SWT1: variants seen among roughly 807,000 people sequenced by gnomAD.
SWT1 encodes SWT1 RNA endoribonuclease homolog.
Under a neutral mutation model 107.3 loss-of-function variants are expected in SWT1, and 33 were observed. That is an observed-to-expected ratio of 0.31 (90% CI 0.23 to 0.41). The LOEUF is 0.41. Among genes scored for constraint, SWT1 ranks in the 10% least tolerant of loss-of-function variants. The probability of loss-of-function intolerance (pLI) is 1.00; values close to 1 mark genes in which losing one functional copy is unlikely to be tolerated. For missense variants in SWT1, 898 were observed against 1,028.9 expected (o/e 0.87, Z 1.74); for synonymous variants, 345 against 348.3 (o/e 0.99, Z 0.11).
chr1:185,166,671 C>T lies in SWT1; in HGVS notation c.165+19C>T. 1 of 1,456,168 alleles carries T rather than the reference C, an allele frequency of 6.9e-7. No individual in the cohort carries two copies. The highest frequency in any genetic ancestry group is 1.8e-4 in the Middle Eastern group (1 of 5,648). 90.2% of individuals were successfully genotyped at this position (1,456,168 alleles called of 1,614,324 possible). On this transcript the variant is annotated intron_variant, in intron 3 of 18. Coordinates refer to ENST00000367500, the MANE Select transcript of SWT1 (RefSeq NM_017673.7). ...AAAACTGGTGAGTGTCTAGATATAA[C>T]TAACTAAAAGTTATTTATGCTAAAG...
intron 5 of SWT1, among the ~76,000 whole-genome samples, 195 bp from the exon 6 acceptor site, chr1:185,180,196 T>C (rs546645792): frequency 4.0e-5 from 6 of 151,862 alleles, no homozygotes; most frequent in East Asian, 3.9e-4. Context: ...AAAAAAAAGT[T>C]TGGGAGTAGG....
intron 15 of SWT1, among the ~76,000 whole-genome samples, chr1:185,226,007 GT>G (rs758493758): frequency 1.3e-5 from 2 of 151,334 alleles, no homozygotes; most frequent in South Asian, 2.1e-4. Context: ...TAAAGCAAAG[GT>G]TTTTTTTTGT....
intron 5 of SWT1, among the ~76,000 whole-genome samples, chr1:185,179,142 G>T (rs1571427404): frequency 6.6e-6 from 1 of 152,136 alleles, no homozygotes; most frequent in South Asian, 2.1e-4. Context: ...ATGGTGGCGG[G>T]CCTGTAGTCC....
In SWT1 at chr1:185,247,067, A is replaced by G. The variant is rs77661303; in HGVS notation, c.2441+15359A>G. ...TGATTGCCTTATTATTATTACCTTC[A>G]GTCCTTAGGTTTCTTGTTGGAATCC... is the stretch of plus-strand genomic sequence containing the variant. On this transcript the variant is annotated intron_variant, in intron 16 of 18. Coordinates refer to ENST00000367500, the MANE Select transcript of SWT1 (RefSeq NM_017673.7). Among the ~76,000 whole-genome samples, 1,024 of 152,240 alleles carry G rather than the reference A, an allele frequency of 6.7e-3. 3 individuals are homozygous for G. The highest frequency in any genetic ancestry group is 0.011 in the Non-Finnish European group (731 of 68,010).
rs530065706 is a variant in SWT1 at position 185,289,831 on chromosome 1, G to A, written c.2574-843G>A. Among the ~76,000 whole-genome samples, 13 of 152,248 alleles carry A rather than the reference G, an allele frequency of 8.5e-5. No individual in the cohort carries two copies. In the South Asian group the frequency reaches 2.3e-3, roughly 27 times the overall value. The stretch of plus-strand genomic sequence containing the variant: ...AGAAAATAAAATGGTGGTTACCAGG[G>A]GCTAGGAGGATGGGGGGCTTTGAGG... On this transcript the variant is annotated intron_variant, in intron 18 of 18. Coordinates refer to ENST00000367500, the MANE Select transcript of SWT1 (RefSeq NM_017673.7).
In SWT1 at chr1:185,271,396, GA is replaced by G; in HGVS notation, c.2508+10del. ...CTTCCTAATCAAGTATGAGGTATGG[GA>G]AATATTTTAAAATATTTATCACATT... On this transcript the variant is annotated splice_region_variant and intron_variant, in intron 17 of 18. Coordinates refer to ENST00000367500, the MANE Select transcript of SWT1 (RefSeq NM_017673.7). 7.3e-7 allele frequency: 1 copy of G among 1,362,796 alleles called. No individual in the cohort carries two copies. The highest frequency in any genetic ancestry group is 1.0e-6 in the Non-Finnish European group (1 of 958,498). 84.4% of individuals were successfully genotyped at this position (1,362,796 alleles called of 1,614,324 possible).
chr1:185,178,243 A>AG (rs2102361584), intron 5 of SWT1, among the ~76,000 whole-genome samples: 1 of 152,294 alleles, frequency 6.6e-6, no homozygotes, highest in Admixed American at 6.5e-5. Flanking sequence ...ATTGCATGGA[A>AG]GGAAGGTACA....
At chr1:185,204,976 A>C in intron 12 of SWT1, 113 bp downstream of exon 12, 1 of 599,356 alleles carries the variant, frequency 1.7e-6, no homozygotes, top group Non-Finnish European at 2.7e-6. Context: ...AATCTGTATC[A>C]TGTTACATTT....
intron 5 of SWT1, among the ~76,000 whole-genome samples, chr1:185,178,769 A>C (rs563566376): frequency 4.9e-4 from 74 of 152,132 alleles, no homozygotes; most frequent in Non-Finnish European, 9.1e-4. Context: ...AAGATCAGTG[A>C]GATTTAAAGT....
intron 4 of SWT1, among the ~76,000 whole-genome samples, chr1:185,172,083 C>T (rs971712945): frequency 1.3e-5 from 2 of 152,224 alleles, no homozygotes; most frequent in African/African-American, 4.8e-5. Flanking sequence ...AAGACTCTAT[C>T]TGCTGTGTCC....
rs142317213 is a variant in SWT1, at chr1:185,190,341, A to G, written c.1430-208A>G. The stretch of plus-strand genomic sequence containing the variant: ...ATTTGACATCATTATCACTCTGAGT[A>G]CATAGTTTACATTAGGTTCACTCTT... On this transcript the variant is annotated intron_variant, in intron 9 of 18. Coordinates refer to ENST00000367500, the MANE Select transcript of SWT1 (RefSeq NM_017673.7). Among the ~76,000 whole-genome samples the G allele has an allele frequency of 4.2e-4, 64 of 152,324 alleles. No individual in the cohort carries two copies. The East Asian group carries it at 4.4e-3, about 11-fold the overall frequency.
intron 14 of SWT1, among the ~76,000 whole-genome samples, chr1:185,216,601 A>G (rs1190277694): frequency 6.6e-6 from 1 of 152,168 alleles, no homozygotes; most frequent in Non-Finnish European, 1.5e-5. Context: ...AAAATTTTGT[A>G]TTGTTTGTCA....
At chr1:185,265,876 C>T (rs1189424471) in intron 16 of SWT1, among the ~76,000 whole-genome samples, 2 of 152,040 alleles carry the variant, frequency 1.3e-5, no homozygotes, top group Non-Finnish European at 1.5e-5. Context: ...ATATTATAAA[C>T]ATTTCCACTT....
chr1:185,268,039 T>G (rs998314302), intron 16 of SWT1, among the ~76,000 whole-genome samples: 1 of 152,230 alleles, frequency 6.6e-6, no homozygotes, highest in African/African-American at 2.4e-5. Context: ...TCAGAGTTCA[T>G]AGGATGTAAT....
chr1:185,204,512 G>C (rs893818917), intron 11 of SWT1, among the ~76,000 whole-genome samples, 188 bp from the exon 12 acceptor site: 7 of 151,902 alleles, frequency 4.6e-5, no homozygotes, highest in African/African-American at 1.5e-4. Context: ...ATATATTTAT[G>C]TTGCATCTAA....
intron 4 of SWT1, among the ~76,000 whole-genome samples, chr1:185,173,313 C>A (rs764990727): frequency 1.3e-5 from 2 of 151,768 alleles, no homozygotes; most frequent in East Asian, 3.9e-4. Context: ...ATTTTTAATA[C>A]GCTAAAGTTT....
At chr1:185,247,464 CT>C (rs1661696809) in intron 16 of SWT1, among the ~76,000 whole-genome samples, 1 of 152,170 alleles carries the variant, frequency 6.6e-6, no homozygotes, top group African/African-American at 2.4e-5. Context: ...CTTATATCTG[CT>C]CTTTCATTTT....
chr1:185,222,087 T>C, intron 15 of SWT1, 51 bp downstream of exon 15: 1 of 1,214,472 alleles, frequency 8.2e-7, no homozygotes, highest in Non-Finnish European at 1.1e-6. Flanking sequence ...ATTGACATTA[T>C]AATTGTACAT....
chr1:185,178,864 C>G (rs1453318097), intron 5 of SWT1, among the ~76,000 whole-genome samples: 1 of 152,124 alleles, frequency 6.6e-6, no homozygotes, highest in African/African-American at 2.4e-5. Flanking sequence ...GTTGTTATAT[C>G]ATGTGAGGTT....
Sources: gnomAD v4.1 joint callset for allele counts (sites outside exome capture counted in the v4.1 genomes callset) on GRCh38, gnomAD v4.1.1 for gene constraint, MANE v1.5 for transcripts, NCBI Gene and HGNC (gene_info 2026-07-23, HGNC 2026-07-21) for gene names.